Variants in SGIP1 observed in about 807,000 individuals in gnomAD.
SGIP1 encodes SH3GL interacting endocytic adaptor 1, also known as SH3-containing GRB2-like protein 3-interacting protein 1.
SGIP1 carries 38 observed loss-of-function variants against 107.5 expected under a neutral mutation model. The ratio of observed to expected loss-of-function variants is 0.35; its 90% CI spans 0.27 to 0.46. SGIP1 has a LOEUF of 0.46. Among genes scored for constraint, SGIP1 ranks in the 20% least tolerant of loss-of-function variants. The pLI is 1.00. For missense variants in SGIP1, 929 were observed against 1,019.5 expected, an observed-to-expected ratio of 0.91 and a Z score of 1.21; for synonymous variants, 365 against 366.1, an observed-to-expected ratio of 1.00 and a Z score of 0.03.
intron 5 of SGIP1, among the ~76,000 whole-genome samples, chr1:66,642,120 C>T (rs896128396): frequency 6.6e-6 from 1 of 152,206 alleles, no homozygotes; most frequent in African/African-American, 2.4e-5. Flanking sequence ...AGCTGAGAAG[C>T]TGCAGTAGCT....
intron 21 of SGIP1, among the ~76,000 whole-genome samples, chr1:66,738,926 T>C (rs932365192): frequency 1.3e-5 from 2 of 152,124 alleles, no homozygotes; most frequent in African/African-American, 4.8e-5. Flanking sequence ...TAAATATTAT[T>C]GTTGTAATTC....
chr1:66,600,728 A>G (rs576899643), intron 1 of SGIP1, among the ~76,000 whole-genome samples: 2 of 152,198 alleles, frequency 1.3e-5, no homozygotes, highest in Non-Finnish European at 2.9e-5. Context: ...GGTCATGATA[A>G]TAAGTGGTCC....
chr1:66,631,986 T>C (rs2074864215), intron 2 of SGIP1, among the ~76,000 whole-genome samples: 1 of 152,216 alleles, frequency 6.6e-6, no homozygotes, highest in African/African-American at 2.4e-5. Flanking sequence ...TCTGCTCTTG[T>C]AATCCAGTTT....
intron 15 of SGIP1, among the ~76,000 whole-genome samples, chr1:66,686,010 T>C (rs915657696): frequency 4.0e-5 from 6 of 150,168 alleles, no homozygotes; most frequent in African/African-American, 7.6e-5. Context: ...AAAGGTTGTT[T>C]AGTTTTTCAC....
At chr1:66,600,059 G>A (rs567830971) in intron 1 of SGIP1, among the ~76,000 whole-genome samples, 10 of 152,278 alleles carry the variant, frequency 6.6e-5, no homozygotes, top group African/African-American at 2.2e-4. Context: ...ACTGTAATGG[G>A]TATTTAAAAC....
intron 18 of SGIP1, among the ~76,000 whole-genome samples, chr1:66,709,760 A>T (rs2092784709): frequency 3.3e-5 from 5 of 152,190 alleles, no homozygotes; most frequent in Admixed American, 3.3e-4. Flanking sequence ...AATGGGGATA[A>T]CAATACATCT....
At chr1:66,669,553 C>A (rs2083314208) in intron 9 of SGIP1, among the ~76,000 whole-genome samples, 1 of 152,160 alleles carries the variant, frequency 6.6e-6, no homozygotes, top group Non-Finnish European at 1.5e-5. Flanking sequence ...CATCTGTTAT[C>A]TAATTATTTC....
In SGIP1 at chr1:66,654,468, A is replaced by G. The variant is rs187917214; in HGVS notation, c.460-6045A>G. Among the ~76,000 whole-genome samples the G allele has an allele frequency of 9.4e-4, 143 of 152,188 alleles. 3 individuals are homozygous for G. The South Asian group carries it at 0.022, about 23-fold the overall frequency. On this transcript the variant is annotated intron_variant, in intron 7 of 24. Transcript: ENST00000371037. ...CTTTATCAATGATTATCTTTCTTGT[A>G]CAATTATACTTATTTTTTTACTAAG...
chr1:66,612,035 T>C (rs981797532), intron 1 of SGIP1, among the ~76,000 whole-genome samples: 1 of 152,160 alleles, frequency 6.6e-6, no homozygotes, highest in Non-Finnish European at 1.5e-5. Context: ...AGAGAAGGTT[T>C]ATTTGGCTTT....
At chr1:66,609,384 A>G (rs1023193629) in intron 1 of SGIP1, among the ~76,000 whole-genome samples, 2 of 152,184 alleles carry the variant, frequency 1.3e-5, no homozygotes, top group African/African-American at 4.8e-5. Flanking sequence ...AGACAAAGTC[A>G]TCCAAAGAGA....
chr1:66,664,531 C>CTG (rs1000135965), intron 8 of SGIP1, among the ~76,000 whole-genome samples: 35 of 152,232 alleles, frequency 2.3e-4, no homozygotes, highest in African/African-American at 7.5e-4. Context: ...GATCTGAATT[C>CTG]TGTGTCTGGT....
chr1:66,667,440 C>G (rs2082822837), intron 8 of SGIP1, 90 bp from the exon 9 acceptor site: 2 of 1,210,588 alleles, frequency 1.7e-6, no homozygotes, highest in Admixed American at 3.4e-5. Context: ...TGGTTAGCTG[C>G]TTATAAAGTC....
intron 1 of SGIP1, among the ~76,000 whole-genome samples, chr1:66,557,660 T>G (rs10889627): frequency 0.56 from 84,961 of 151,894 alleles, 25,318 homozygotes; most frequent in East Asian, 0.98. Context: ...GAGGAATAAT[T>G]ATCAGATTTC....
intron 1 of SGIP1, among the ~76,000 whole-genome samples, chr1:66,559,194 A>C (rs759714650): frequency 2.0e-5 from 3 of 152,052 alleles, no homozygotes; most frequent in Non-Finnish European, 4.4e-5. Flanking sequence ...TCTGATGCAG[A>C]AGGTCAGGGG....
chr1:66,615,912 T>A (rs2069181229), intron 1 of SGIP1: 1 of 152,104 alleles, frequency 6.6e-6, no homozygotes, highest in Admixed American at 6.5e-5. Flanking sequence ...TTCTCCTTCA[T>A]GCAAAACTTG....
intron 3 of SGIP1, among the ~76,000 whole-genome samples, chr1:66,633,870 TA>T (rs1387220672): frequency 6.6e-6 from 1 of 152,158 alleles, no homozygotes; most frequent in East Asian, 1.9e-4. Flanking sequence ...ACCTGATGGT[TA>T]AAAAATTTTT....
rs1483050207 is a variant in SGIP1 at position 66,689,270 on chromosome 1, G to A, written c.1438G>A (p.Asp480Asn). ...ACCTCCAGGAAAACCTGGAGTTGGA[G>A]ATGTGGTATGTTCCCTTCTGCCCTG... is the stretch of plus-strand genomic sequence containing the variant. ...KLPPGKPGVG[D>N]VSRPFSPPIH... The change falls in exon 16 of 25, where the codon GAT becomes AAT. Residue 480 changes from aspartate (D) to asparagine (N), a missense_variant. Transcript: ENST00000371037. 1.2e-6 allele frequency: 2 copies of A among 1,613,380 alleles called. No homozygotes were observed. Among genetic ancestry groups the A allele is most frequent in the Admixed American group, 1.7e-5 (1 of 59,950 alleles).
At chr1:66,566,079 C>G (rs1294968850) in intron 1 of SGIP1, among the ~76,000 whole-genome samples, 1 of 151,978 alleles carries the variant, frequency 6.6e-6, no homozygotes, top group Non-Finnish European at 1.5e-5. Flanking sequence ...GATATATTCA[C>G]TTAATGTCTT....
chr1:66,572,437 A>G (rs2060508042), intron 1 of SGIP1, among the ~76,000 whole-genome samples: 3 of 151,950 alleles, frequency 2.0e-5, no homozygotes, highest in African/African-American at 7.2e-5. Context: ...ACCCAGCAAT[A>G]CCTAATTTCT....
Sources: gnomAD v4.1 joint callset for allele counts (sites outside exome capture counted in the v4.1 genomes callset) on GRCh38, gnomAD v4.1.1 for gene constraint, MANE v1.5 for transcripts, NCBI Gene and HGNC (gene_info 2026-07-23, HGNC 2026-07-21) for gene names.